The following PDE7B variants were observed in gnomAD, a reference collection of about 807,000 sequenced individuals.
PDE7B encodes 3',5'-cyclic-AMP phosphodiesterase 7B.
PDE7B carries 29 observed loss-of-function variants against 56.2 expected under a neutral mutation model. That is an observed-to-expected ratio of 0.52 (90% CI 0.38 to 0.70). The LOEUF is 0.70. PDE7B is among the 30% of genes least tolerant of loss of function. The probability of loss-of-function intolerance (pLI) is 0.00; values close to 1 mark genes in which losing one functional copy is unlikely to be tolerated. For missense variants in PDE7B, 490 were observed against 565.0 expected, an observed-to-expected ratio of 0.87 and a Z score of 1.35; for synonymous variants, 197 against 196.9, an observed-to-expected ratio of 1.00 and a Z score of 0.00.
intron 2 of PDE7B, among the ~76,000 whole-genome samples, chr6:136,076,500 C>T (rs1016795955): frequency 2.0e-5 from 3 of 151,914 alleles, no homozygotes; most frequent in Non-Finnish European, 4.4e-5. Flanking sequence ...CTAATGTGTG[C>T]CCCCAAAACT....
intron 1 of PDE7B, among the ~76,000 whole-genome samples, chr6:135,903,685 T>C (rs1380124832): frequency 1.3e-5 from 2 of 152,302 alleles, no homozygotes; most frequent in East Asian, 3.9e-4. Flanking sequence ...GCACACACAT[T>C]AGAATTAAAA....
At chr6:135,870,851 G>A (rs917707169) in intron 1 of PDE7B, among the ~76,000 whole-genome samples, 7 of 152,102 alleles carry the variant, frequency 4.6e-5, no homozygotes, top group African/African-American at 1.7e-4. Context: ...GAAGAGGGTG[G>A]AGAATGAAGA....
At chr6:135,904,342 G>A (rs560042576) in intron 1 of PDE7B, among the ~76,000 whole-genome samples, 45 of 152,234 alleles carry the variant, frequency 3.0e-4, no homozygotes, top group African/African-American at 1.0e-3. Context: ...TGCTGGCTGA[G>A]CCTGATTATA....
chr6:135,865,048 T>C (rs1775228554), intron 1 of PDE7B, among the ~76,000 whole-genome samples: 1 of 151,316 alleles, frequency 6.6e-6, no homozygotes, highest in African/African-American at 2.4e-5. Flanking sequence ...ATGTTTGTTT[T>C]TTTGTCCTTG....
chr6:135,970,143 T>C (rs1775069042), intron 2 of PDE7B, among the ~76,000 whole-genome samples: 1 of 152,110 alleles, frequency 6.6e-6, no homozygotes, highest in South Asian at 2.1e-4. Context: ...ACAAAATCCC[T>C]TGGGTCTCAT....
At chr6:135,887,022 A>C (rs2128189610) in intron 1 of PDE7B, among the ~76,000 whole-genome samples, 1 of 152,164 alleles carries the variant, frequency 6.6e-6, no homozygotes, top group African/African-American at 2.4e-5. Flanking sequence ...CATCACACCA[A>C]CATCTGTTGT....
intron 1 of PDE7B, among the ~76,000 whole-genome samples, chr6:135,934,803 ATATT>A (rs1239848237): frequency 2.6e-4 from 31 of 118,828 alleles, no homozygotes; most frequent in Non-Finnish European, 4.3e-4. Flanking sequence ...TTAAATATAT[ATATT>A]TATTATATAT....
intron 8 of PDE7B, among the ~76,000 whole-genome samples, chr6:136,167,353 G>C (rs1034399730): frequency 1.3e-5 from 2 of 152,064 alleles, no homozygotes; most frequent in African/African-American, 4.8e-5. Flanking sequence ...CTGTGTCATG[G>C]GGGGGAACAG....
intron 1 of PDE7B, among the ~76,000 whole-genome samples, chr6:135,857,024 T>TCCTCCCTCCCTCCCTCCCTC (rs57985628): frequency 5.2e-4 from 66 of 127,524 alleles, no homozygotes; most frequent in African/African-American, 2.0e-3. Flanking sequence ...TTACTCCTTT[T>TCCTCCCTCCCTCCCTCCCTC]CCTCCCTCCC....
intron 8 of PDE7B, among the ~76,000 whole-genome samples, chr6:136,160,048 C>T (rs1778676961): frequency 6.6e-6 from 1 of 151,896 alleles, no homozygotes; most frequent in Non-Finnish European, 1.5e-5. Flanking sequence ...GAAGGTTTTG[C>T]CTTAGAAGTT....
rs529560591 is a variant in PDE7B at position 135,853,259 on chromosome 6, T to C, written c.21+1240T>C. 2.6e-5 allele frequency among the ~76,000 whole-genome samples: 4 copies of C among 152,292 alleles called. No homozygotes were observed. The South Asian group carries it at 8.3e-4, about 32-fold the overall frequency. ...ATGTTAGCAGTAATATTAAGCACGA[T>C]TTCAAACATGAGGTGTATTTCAAAG... On this transcript the variant is annotated intron_variant, in intron 1 of 12. Coordinates refer to ENST00000308191, the MANE Select transcript of PDE7B (RefSeq NM_018945.4).
intron 2 of PDE7B, among the ~76,000 whole-genome samples, chr6:136,021,236 G>A (rs1378122753): frequency 6.6e-6 from 1 of 152,106 alleles, no homozygotes; most frequent in Non-Finnish European, 1.5e-5. Flanking sequence ...CCAATCAAAT[G>A]CCTGATTAAA....
At chr6:136,095,342 T>C (rs1396999922) in intron 2 of PDE7B, among the ~76,000 whole-genome samples, 1 of 152,178 alleles carries the variant, frequency 6.6e-6, no homozygotes, top group Non-Finnish European at 1.5e-5. Context: ...ACATATGTTC[T>C]ATATTTATAT....
At chr6:135,944,514 C>T (rs756090475) in intron 1 of PDE7B, among the ~76,000 whole-genome samples, 58 of 152,176 alleles carry the variant, frequency 3.8e-4, no homozygotes, top group Non-Finnish European at 6.3e-4. Context: ...TAGTTAAAGG[C>T]GCCTCAGCAA....
intron 2 of PDE7B, among the ~76,000 whole-genome samples, chr6:136,063,139 CA>C (rs1418006538): frequency 6.6e-6 from 1 of 152,154 alleles, no homozygotes; most frequent in Non-Finnish European, 1.5e-5. Context: ...CTACAAAAAA[CA>C]AGGTTCTAAA....
At chr6:136,177,394 A>G (rs1778994774) in intron 9 of PDE7B, among the ~76,000 whole-genome samples, 1 of 152,192 alleles carries the variant, frequency 6.6e-6, no homozygotes, top group Non-Finnish European at 1.5e-5. Flanking sequence ...CAGACACAAT[A>G]TTTGCAACAC....
intron 1 of PDE7B, among the ~76,000 whole-genome samples, chr6:135,860,351 ATGTC>A (rs1193322273): frequency 6.6e-5 from 10 of 152,088 alleles, no homozygotes; most frequent in African/African-American, 2.4e-4. Flanking sequence ...AAATATAAAA[ATGTC>A]TGTTTTGAAA....
At chr6:135,989,403 C>A (rs6937373) in intron 2 of PDE7B, among the ~76,000 whole-genome samples, 2 of 152,060 alleles carry the variant, frequency 1.3e-5, no homozygotes, top group African/African-American at 2.4e-5. Context: ...CACCTGAGGT[C>A]GGTAGTTCGA....
chr6:136,072,033 AC>A (rs1460465417), intron 2 of PDE7B, among the ~76,000 whole-genome samples: 1 of 152,206 alleles, frequency 6.6e-6, no homozygotes, highest in Non-Finnish European at 1.5e-5. Context: ...GGTACACAGC[AC>A]AAAAACTAAA....
Sources: gnomAD v4.1 joint callset for allele counts (sites outside exome capture counted in the v4.1 genomes callset) on GRCh38, gnomAD v4.1.1 for gene constraint, MANE v1.5 for transcripts, NCBI Gene and HGNC (gene_info 2026-07-23, HGNC 2026-07-21) for gene names.